PRR33: variants seen among roughly 807,000 people sequenced by gnomAD.
The protein encoded by PRR33 is proline rich 33.
In PRR33, 1 loss-of-function variant was observed where a neutral mutation model predicts 0.5. That is an observed-to-expected ratio of 2.18 (90% CI 0.77 to 10.34). The LOEUF (loss-of-function observed/expected upper bound fraction) is 10.34, where lower values mean the gene tolerates loss of function less well. Among genes scored for constraint, PRR33 ranks in the 30% most tolerant of loss-of-function variants. The pLI, the probability that PRR33 is intolerant of heterozygous loss-of-function variation, is 0.13. For synonymous variants in PRR33, 226 were observed against 110.0 expected, an observed-to-expected ratio of 2.06 and a Z score of -6.60; for missense variants, 552 against 251.8, an observed-to-expected ratio of 2.19 and a Z score of -8.07.
chr11:1,899,986 C>T, the PRR33 span, among the ~76,000 whole-genome samples: 5 of 151,638 alleles, frequency 3.3e-5, no homozygotes, highest in African/African-American at 4.9e-5. Context: ...AAACATTGGT[C>T]GTAAACCATT....
the PRR33 span, among the ~76,000 whole-genome samples, chr11:1,911,804 C>T: frequency 2.0e-5 from 3 of 151,932 alleles, no homozygotes; most frequent in African/African-American, 7.3e-5. Flanking sequence ...TCTTTACATG[C>T]TTTATGTGTT....
chr11:1,898,774 G>A, the PRR33 span, among the ~76,000 whole-genome samples: 7 of 152,124 alleles, frequency 4.6e-5, no homozygotes, highest in African/African-American at 1.7e-4. Context: ...GGGAGGCCGA[G>A]GTGGGCACTT....
At chr11:1,894,992 GGCACCAGGGGTGCCGT>G (rs926674586), upstream of PRR33, among the ~76,000 whole-genome samples, 10 of 152,120 alleles carry the variant, frequency 6.6e-5, no homozygotes, top group Non-Finnish European at 1.5e-4. Flanking sequence ...CGTGTCTCCC[GGCACCAGGGGTGCCGT>G]GCAGCTTTGC....
upstream of PRR33, among the ~76,000 whole-genome samples, chr11:1,894,122 TTGTGTGTA>T (rs1220578731): frequency 4.1e-5 from 1 of 24,430 alleles, no homozygotes; most frequent in Non-Finnish European, 8.3e-5. Context: ...GTGTGTGTGT[TTGTGTGTA>T]TGTGTGTGTG....
chr11:1,908,295 G>T, the PRR33 span, among the ~76,000 whole-genome samples: 11 of 151,920 alleles, frequency 7.2e-5, no homozygotes, highest in Admixed American at 6.6e-4. Context: ...GCTTCTTTTT[G>T]CCAAGTATCT....
At chr11:1,914,886 G>A in the PRR33 span, among the ~76,000 whole-genome samples, 1 of 138,078 alleles carries the variant, frequency 7.2e-6, no homozygotes, top group Non-Finnish European at 1.6e-5. Context: ...TGTGTTGTGA[G>A]GTCACACACC....
At chr11:1,915,489 G>T in the PRR33 span, among the ~76,000 whole-genome samples, 6 of 135,500 alleles carry the variant, frequency 4.4e-5, no homozygotes, top group Non-Finnish European at 9.3e-5. Context: ...CTCAGATGAT[G>T]TTTCTTTGTG....
At chr11:1,915,695 G>T in the PRR33 span, among the ~76,000 whole-genome samples, 37 of 124,394 alleles carry the variant, frequency 3.0e-4, no homozygotes, top group African/African-American at 1.1e-3. Context: ...CTGTGTGTGT[G>T]TGTGTTGTGG....
chr11:1,912,597 C>G, the PRR33 span, among the ~76,000 whole-genome samples: 52 of 152,158 alleles, frequency 3.4e-4, no homozygotes, highest in East Asian at 9.7e-3. Flanking sequence ...TCACATAAAC[C>G]ATTTCTAAAT....
At chr11:1,913,956 A>G in the PRR33 span, among the ~76,000 whole-genome samples, 1 of 152,206 alleles carries the variant, frequency 6.6e-6, no homozygotes, top group Non-Finnish European at 1.5e-5. Flanking sequence ...ATGGGTGGTG[A>G]CCACCTCTGT....
At chr11:1,913,063 A>C in the PRR33 span, among the ~76,000 whole-genome samples, 1 of 151,946 alleles carries the variant, frequency 6.6e-6, no homozygotes, top group Admixed American at 6.6e-5. Flanking sequence ...CATACTTATT[A>C]ATACTTTCCC....
the PRR33 span, among the ~76,000 whole-genome samples, chr11:1,902,412 G>A: frequency 0.017 from 2,589 of 152,250 alleles, 82 homozygotes; most frequent in African/African-American, 0.06. Flanking sequence ...AGTAAAGCCT[G>A]CTGGATCTGA....
chr11:1,906,854 G>T, the PRR33 span, among the ~76,000 whole-genome samples: 28 of 152,310 alleles, frequency 1.8e-4, no homozygotes, highest in East Asian at 4.8e-3. Context: ...ACTCCAGGGG[G>T]ACTCTCGGGT....
chr11:1,889,791 C>T (rs1248938300), exon 1 of PRR33: 1 of 646,144 alleles, frequency 1.5e-6, no homozygotes. Context: ...CACCACAACC[C>T]TGGCACTAGC....
chr11:1,895,614 C>G (rs1849115612), upstream of PRR33, among the ~76,000 whole-genome samples: 1 of 152,158 alleles, frequency 6.6e-6, no homozygotes, highest in Non-Finnish European at 1.5e-5. Context: ...TCTGAGAAAT[C>G]TTTGCCTTAT....
chr11:1,914,851 T>TTGTGTGTG, the PRR33 span, among the ~76,000 whole-genome samples: 1 of 66,570 alleles, frequency 1.5e-5, no homozygotes, highest in Non-Finnish European at 2.9e-5. Context: ...CTGGAGATGT[T>TTGTGTGTG]TCTGTGTGTG....
the PRR33 span, chr11:1,902,535 T>A: frequency 6.6e-6 from 1 of 152,050 alleles, no homozygotes; most frequent in Non-Finnish European, 1.5e-5. Context: ...AGCTTTTTCT[T>A]TGTCTTAATT....
At chr11:1,911,932 G>A in the PRR33 span, among the ~76,000 whole-genome samples, 1 of 149,096 alleles carries the variant, frequency 6.7e-6, no homozygotes, top group Non-Finnish European at 1.5e-5. Flanking sequence ...AGGCCGAGCT[G>A]GGAGGATCAC....
At chr11:1,902,243 A>C in the PRR33 span, among the ~76,000 whole-genome samples, 8 of 151,878 alleles carry the variant, frequency 5.3e-5, no homozygotes, top group South Asian at 2.1e-4. Flanking sequence ...AAAAAAAAAA[A>C]AAAACACACA....
Sources: gnomAD v4.1 joint callset for allele counts (sites outside exome capture counted in the v4.1 genomes callset) on GRCh38, gnomAD v4.1.1 for gene constraint, MANE v1.5 for transcripts, NCBI Gene and HGNC (gene_info 2026-07-23, HGNC 2026-07-21) for gene names.